Variants in ZNF892 observed in about 807,000 individuals in gnomAD.
ZNF892 encodes the protein zinc finger protein 570-like.
the ZNF892 span, among the ~76,000 whole-genome samples, chr2:95,237,426 C>T: frequency 0.024 from 3,709 of 152,138 alleles, 170 homozygotes; most frequent in African/African-American, 0.084. Context: ...CACCATGAAC[C>T]GCCATTAAGA....
At chr2:95,224,466 A>C in the ZNF892 span, among the ~76,000 whole-genome samples, 1 of 152,142 alleles carries the variant, frequency 6.6e-6, no homozygotes, top group Admixed American at 6.5e-5. Flanking sequence ...GGGAGGCCTC[A>C]GGGAGCTTAC....
At chr2:95,254,210 T>C in the ZNF892 span, among the ~76,000 whole-genome samples, 1 of 152,218 alleles carries the variant, frequency 6.6e-6, no homozygotes, top group Admixed American at 6.5e-5. Context: ...TGATATTGGC[T>C]GTGGTTTTGT....
the ZNF892 span, among the ~76,000 whole-genome samples, chr2:95,215,841 G>T: frequency 6.6e-6 from 1 of 152,330 alleles, no homozygotes; most frequent in South Asian, 2.1e-4. Flanking sequence ...ACACCCTAAC[G>T]TGTATGTAAA....
the ZNF892 span, among the ~76,000 whole-genome samples, chr2:95,246,124 C>G: frequency 6.6e-6 from 1 of 152,200 alleles, no homozygotes; most frequent in East Asian, 1.9e-4. Flanking sequence ...CAATAAAATA[C>G]TGGCAAACTG....
At chr2:95,224,246 G>GA in the ZNF892 span, among the ~76,000 whole-genome samples, 6 of 152,196 alleles carry the variant, frequency 3.9e-5, no homozygotes, top group South Asian at 1.2e-3. Flanking sequence ...AGGCAACCAT[G>GA]AATACACTGT....
chr2:95,217,014 C>A, the ZNF892 span, among the ~76,000 whole-genome samples: 21 of 152,138 alleles, frequency 1.4e-4, no homozygotes, highest in Non-Finnish European at 2.6e-4. Flanking sequence ...ATATGTATTT[C>A]TAACAGTTCT....
the ZNF892 span, among the ~76,000 whole-genome samples, chr2:95,210,059 C>T: frequency 4.8e-4 from 72 of 149,642 alleles, no homozygotes; most frequent in African/African-American, 1.6e-3. Context: ...CAAAATTAAC[C>T]GTTCGATTCA....
chr2:95,262,298 C>T, the ZNF892 span, among the ~76,000 whole-genome samples: 51 of 152,298 alleles, frequency 3.3e-4, no homozygotes, highest in Admixed American at 5.9e-4. Flanking sequence ...CAGATAACCT[C>T]GAGACACAGA....
chr2:95,218,328 C>T, the ZNF892 span, among the ~76,000 whole-genome samples: 1 of 152,242 alleles, frequency 6.6e-6, no homozygotes, highest in African/African-American at 2.4e-5. Context: ...GGGACCCAAG[C>T]TGCACCTTCA....
the ZNF892 span, among the ~76,000 whole-genome samples, chr2:95,235,651 A>G: frequency 4.6e-5 from 7 of 152,134 alleles, no homozygotes; most frequent in South Asian, 2.1e-4. Flanking sequence ...GTGAGCCACC[A>G]CGCCCGGCCC....
the ZNF892 span, among the ~76,000 whole-genome samples, chr2:95,246,728 G>A: frequency 6.6e-6 from 1 of 152,050 alleles, no homozygotes; most frequent in Non-Finnish European, 1.5e-5. Context: ...GACTAGCAGA[G>A]AGCCAAATCA....
chr2:95,242,718 A>C, the ZNF892 span, among the ~76,000 whole-genome samples: 5 of 152,376 alleles, frequency 3.3e-5, 1 homozygote, highest in East Asian at 9.6e-4. Context: ...TAAAGAGCCA[A>C]GACCCATCAG....
At chr2:95,243,719 G>A in the ZNF892 span, among the ~76,000 whole-genome samples, 3 of 150,462 alleles carry the variant, frequency 2.0e-5, no homozygotes, top group African/African-American at 7.4e-5. Flanking sequence ...GGAGGGAGGT[G>A]CGGGGGTCAG....
At chr2:95,248,843 A>G in the ZNF892 span, among the ~76,000 whole-genome samples, 1 of 152,152 alleles carries the variant, frequency 6.6e-6, no homozygotes, top group South Asian at 2.1e-4. Flanking sequence ...ATAACCGGTC[A>G]TTTTATTTTA....
At chr2:95,261,598 A>G in the ZNF892 span, among the ~76,000 whole-genome samples, 1 of 152,190 alleles carries the variant, frequency 6.6e-6, no homozygotes, top group African/African-American at 2.4e-5. Context: ...ACTGGCCTCC[A>G]CAATTCTTTT....
chr2:95,221,233 T>C, the ZNF892 span, among the ~76,000 whole-genome samples: 58 of 152,338 alleles, frequency 3.8e-4, no homozygotes, highest in African/African-American at 1.3e-3. Context: ...AGAAGACATA[T>C]CCATCATGTA....
the ZNF892 span, among the ~76,000 whole-genome samples, chr2:95,257,960 G>GCCA: frequency 6.6e-6 from 1 of 152,120 alleles, no homozygotes; most frequent in African/African-American, 2.4e-5. Flanking sequence ...TCCAGGTGCC[G>GCCA]TCTGTCACCC....
the ZNF892 span, among the ~76,000 whole-genome samples, chr2:95,216,888 T>C: frequency 6.6e-6 from 1 of 152,212 alleles, no homozygotes; most frequent in Non-Finnish European, 1.5e-5. Flanking sequence ...GTTAGCTCTT[T>C]GGTTGTAGTC....
the ZNF892 span, among the ~76,000 whole-genome samples, chr2:95,260,464 T>C: frequency 6.6e-6 from 1 of 152,310 alleles, no homozygotes; most frequent in African/African-American, 2.4e-5. Context: ...ATTCCTTCTT[T>C]GTCTCCCCTT....
Sources: allele counts gnomAD v4.1 joint callset (sites outside exome capture counted in the v4.1 genomes callset), GRCh38; gene constraint gnomAD v4.1.1; transcripts MANE v1.5; gene names NCBI Gene and HGNC (gene_info 2026-07-23, HGNC 2026-07-21).